BSN: variants seen among roughly 807,000 people sequenced by gnomAD.
The protein encoded by BSN is protein bassoon.
In BSN, 57 loss-of-function variants were observed where a neutral mutation model predicts 264.8. The observed-to-expected ratio is 0.22, with a 90% CI of 0.17 to 0.27. The LOEUF is 0.27. Ranked by LOEUF, BSN falls within the 10% of genes least tolerant of loss-of-function variation. The pLI is 1.00. For missense variants in BSN, 4,615 were observed against 5,232.5 expected (o/e 0.88, Z 3.64); for synonymous variants, 2,059 against 2,137.3 (o/e 0.96, Z 1.01).
chr3:49,571,639 G>A (rs1316629868), intron 1 of BSN, among the ~76,000 whole-genome samples: 1 of 152,074 alleles, frequency 6.6e-6, no homozygotes, highest in African/African-American at 2.4e-5. Flanking sequence ...GAGGCCTCAG[G>A]GTATAGTAGG....
At position 49,661,212 on chromosome 3, in the gene BSN, C is replaced by T. The variant is rs780709299; in HGVS notation, c.9367C>T (p.Pro3123Ser). 37 of 1,613,714 alleles carry T rather than the reference C, an allele frequency of 2.3e-5. No homozygotes were observed. The highest frequency in any genetic ancestry group is 3.1e-5 in the Non-Finnish European group (37 of 1,180,044). The change falls in exon 6 of 12, where the codon CCC (proline) becomes TCC (serine). Residue 3123 changes from proline to serine, a missense_variant. Physicochemically the swap from Pro to Ser is moderately conservative, Grantham distance 74. This residue lies in a region of BSN where 3,415 missense variants were observed against 3,866.4 expected (regional missense o/e 0.88). Transcript: ENST00000296452. ...RPTGHYAGQT[P>S]MPTTQSTLFP... ...CACAGGCCACTATGCAGGCCAAACA[C>T]CCATGCCAACCACACAGAGCACCCT...
chr3:49,584,160 C>A (rs1215984401), intron 1 of BSN, among the ~76,000 whole-genome samples: 1 of 152,142 alleles, frequency 6.6e-6, no homozygotes, highest in African/African-American at 2.4e-5. Flanking sequence ...GCTGGGATTA[C>A]AGACGTGAGC....
chr3:49,632,235 A>G (rs1030652388), intron 2 of BSN, among the ~76,000 whole-genome samples: 13 of 152,204 alleles, frequency 8.5e-5, no homozygotes, highest in Non-Finnish European at 1.3e-4. Flanking sequence ...AGAAGACAAC[A>G]TAGGGGATAA....
rs2052538598 is a variant in BSN, at chr3:49,651,150, G to A, written c.1986+71G>A. 2 of 1,459,236 alleles carry A rather than the reference G, an allele frequency of 1.4e-6. No individual in the cohort carries two copies. The highest frequency in any genetic ancestry group is 2.4e-5 in the Admixed American group (1 of 40,892). 90.4% of individuals were successfully genotyped at this position (1,459,236 alleles called of 1,614,324 possible). A position where few individuals can be genotyped will look rare whatever the true frequency, so the allele number is the denominator to read the frequency against. ...AGTCTATGGAAAGGCTTGCCTCCCTGGGTGGCTGAGGCTGTAGGCTCAGGA... is the reference window on the plus strand; with the variant it reads ...AGTCTATGGAAAGGCTTGCCTCCCTAGGTGGCTGAGGCTGTAGGCTCAGGA... On this transcript the variant is annotated intron_variant, in intron 4 of 11. Transcript: ENST00000296452. This position sits in a 1 kb window ranked among gnomAD's most constrained non-coding sequence, Gnocchi z 5.4.
In BSN at chr3:49,654,348, A is replaced by T. The variant is rs370838191; in HGVS notation, c.4792A>T (p.Thr1598Ser). 1 of 1,613,054 alleles carries T rather than the reference A, an allele frequency of 6.2e-7. No homozygotes were observed. Among genetic ancestry groups the T allele is most frequent in the Non-Finnish European group, 8.5e-7 (1 of 1,179,778 alleles). Residue 1598 changes from threonine to serine, a missense_variant, in exon 5 of 12, where the codon ACA (threonine) becomes TCA (serine). This residue lies in a region of BSN where 3,415 missense variants were observed against 3,866.4 expected (regional missense o/e 0.88). Coordinates refer to ENST00000296452, the MANE Select transcript of BSN (RefSeq NM_003458.4). The surrounding 1 kb of genome is among the most constrained non-coding windows in gnomAD (Gnocchi z 4.1). The stretch of plus-strand genomic sequence containing the variant: ...CACCACCCATGGCTACAGCCAGACA[A>T]CACCTCCGAGTGTGTCTCAGCTGCC... ...QPTTHGYSQT[T>S]PPSVSQLPPE...
At chr3:49,664,889 GA>G in intron 10 of BSN, 36 bp downstream of exon 10, 1 of 1,263,088 alleles carries the variant, frequency 7.9e-7, no homozygotes, top group South Asian at 1.2e-5. Flanking sequence ...CCTCTTCTGG[GA>G]AAGGCCCGAG....
At chr3:49,577,342 G>T (rs2051852778) in intron 1 of BSN, among the ~76,000 whole-genome samples, 1 of 152,048 alleles carries the variant, frequency 6.6e-6, no homozygotes, top group African/African-American at 2.4e-5. Context: ...TATCTTCTAT[G>T]AAATGGCAAA....
At chr3:49,563,840 A>G (rs2051733610) in intron 1 of BSN, among the ~76,000 whole-genome samples, 1 of 152,170 alleles carries the variant, frequency 6.6e-6, no homozygotes, top group African/African-American at 2.4e-5. Flanking sequence ...GGTTCTTCTC[A>G]GGCAGATGAT....
At chr3:49,607,800 G>A (rs1246654871) in intron 1 of BSN, among the ~76,000 whole-genome samples, 1 of 152,248 alleles carries the variant, frequency 6.6e-6, no homozygotes, top group East Asian at 1.9e-4. Context: ...AAGGGGAAGA[G>A]AGTAGAGGAG....
chr3:49,586,334 A>ATCTG (rs1426010334), intron 1 of BSN, among the ~76,000 whole-genome samples: 1 of 151,114 alleles, frequency 6.6e-6, no homozygotes, highest in Non-Finnish European at 1.5e-5. Context: ...AGCTCTATCT[A>ATCTG]TCTATCTATC....
At chr3:49,562,685 T>C (rs1243245905) in intron 1 of BSN, among the ~76,000 whole-genome samples, 1 of 152,194 alleles carries the variant, frequency 6.6e-6, no homozygotes, top group African/African-American at 2.4e-5. Context: ...TGCCGAATGC[T>C]GTGGAGAACT....
At chr3:49,603,283 G>C (rs1348267792) in intron 1 of BSN, among the ~76,000 whole-genome samples, 2 of 152,202 alleles carry the variant, frequency 1.3e-5, no homozygotes, top group African/African-American at 4.8e-5. Flanking sequence ...CCCACCTCTT[G>C]TTGGTGGTTG....
chr3:49,651,023 C>T lies in BSN; in HGVS notation c.1930C>T (p.Pro644Ser). ...AAAGAGTGGGGTGAGGAGGGCTGAA[C>T]CTGCCACCCCTGTCGTCAAGGCTGT... ...KVKSGVRRAE[P>S]ATPVVKAVPE... Residue 644 changes from proline to serine, a missense_variant, in exon 4 of 12, where the codon CCT becomes TCT. Pro to Ser is a moderately conservative substitution (Grantham distance 74). This residue lies in a region of BSN where 1,197 missense variants were observed against 1,348.0 expected (regional missense o/e 0.89). Coordinates refer to ENST00000296452, the MANE Select transcript of BSN (RefSeq NM_003458.4). This position sits in a 1 kb window ranked among gnomAD's most constrained non-coding sequence, Gnocchi z 5.4. The T allele has an allele frequency of 2.5e-6, 4 of 1,613,820 alleles. No homozygotes were observed. Among genetic ancestry groups the T allele is most frequent in the Non-Finnish European group, 3.4e-6 (4 of 1,179,942 alleles).
rs141986845 is a variant in BSN at position 49,653,804 on chromosome 3, C to T, written c.4248C>T (p.Ala1416=). Residue 1416 remains alanine (A), a synonymous_variant, in exon 5 of 12, where the codon GCC becomes GCT. Coordinates refer to ENST00000296452, the MANE Select transcript of BSN (RefSeq NM_003458.4). This position sits in a 1 kb window ranked among gnomAD's most constrained non-coding sequence, Gnocchi z 6.3. ...SERSPSPSST[A]HSYGHSPTTA... ...GTAGTCCTTCACCATCTTCCACAGC[C>T]CACAGCTATGGACACAGCCCAACCA... 34 of 1,614,160 alleles carry T rather than the reference C, an allele frequency of 2.1e-5. No individual in the cohort carries two copies. In the African/African-American group the frequency reaches 3.7e-4, roughly 18 times the overall value.
intron 2 of BSN, among the ~76,000 whole-genome samples, chr3:49,632,252 CA>C (rs1279610295): frequency 1.3e-5 from 2 of 152,084 alleles, no homozygotes; most frequent in Non-Finnish European, 2.9e-5. Context: ...ATAAGCTTCA[CA>C]ACATTGGATT....
chr3:49,642,427 A>G lies in BSN; in HGVS notation c.793A>G (p.Arg265Gly). The G allele has an allele frequency of 6.2e-7, 1 of 1,600,562 alleles. No individual in the cohort carries two copies. Among genetic ancestry groups the G allele is most frequent in the South Asian group, 1.1e-5 (1 of 89,020 alleles). ...KQPLGKPDQERSRGPGGPQPG... is the reference protein window; with the variant it reads ...KQPLGKPDQEGSRGPGGPQPG... Reference sequence around the variant, plus strand: ...GCCCCTGGGGAAGCCAGACCAAGAGAGATCTCGGGGCCCAGGAGGACCACA... The same window carrying G: ...GCCCCTGGGGAAGCCAGACCAAGAGGGATCTCGGGGCCCAGGAGGACCACA... The change falls in exon 3 of 12, where the codon AGA becomes GGA. Residue 265 changes from arginine to glycine, a missense_variant. This residue lies in a region of BSN where 1,197 missense variants were observed against 1,348.0 expected (regional missense o/e 0.89). Coordinates refer to ENST00000296452, the MANE Select transcript of BSN (RefSeq NM_003458.4). This position sits in a 1 kb window ranked among gnomAD's most constrained non-coding sequence, Gnocchi z 7.0.
intron 1 of BSN, among the ~76,000 whole-genome samples, chr3:49,605,499 AATATATAT>A (rs2052114503): frequency 9.5e-4 from 5 of 5,252 alleles, no homozygotes; most frequent in African/African-American, 4.0e-3. Flanking sequence ...TATTATATAT[AATATATAT>A]TATATAATAT....
chr3:49,673,087 C>CTTTTTTTTTTTTTTTTTTTTTTT (rs71080543), downstream of BSN, among the ~76,000 whole-genome samples: 62 of 43,212 alleles, frequency 1.4e-3, 17 homozygotes, highest in East Asian at 5.4e-3. Context: ...CCGGCCGGGA[C>CTTTTTTTTTTTTTTTTTTTTTTT]TTTTTTTTTT....
At chr3:49,619,355 C>T (rs576486725) in intron 1 of BSN, among the ~76,000 whole-genome samples, 1 of 152,306 alleles carries the variant, frequency 6.6e-6, no homozygotes, top group African/African-American at 2.4e-5. Context: ...GGAGCTTCCA[C>T]GTAAGCAGCT....
Sources: allele counts gnomAD v4.1 joint callset (sites outside exome capture counted in the v4.1 genomes callset), GRCh38; gene constraint gnomAD v4.1.1; regional missense constraint gnomAD v4.1.1; non-coding constraint Gnocchi (gnomAD v3.1); transcripts MANE v1.5; gene names NCBI Gene and HGNC (gene_info 2026-07-23, HGNC 2026-07-21).